The following P2RX5 variants were observed in gnomAD, a reference collection of about 807,000 sequenced individuals.
P2RX5 encodes purinergic receptor P2X 5.
A neutral mutation model predicts 54.1 loss-of-function variants in P2RX5; 46 were observed. That is an observed-to-expected ratio of 0.85 (90% confidence interval 0.67 to 1.09). The LOEUF is 1.09. Among genes scored for constraint, P2RX5 ranks in the 50% least tolerant of loss-of-function variants. The pLI is 0.00. For missense variants in P2RX5, 566 were observed against 549.8 expected (o/e 1.03, Z -0.29); for synonymous variants, 226 against 226.4 (o/e 1.00, Z 0.02).
At chr17:3,703,037 A>C in the P2RX5 span, among the ~76,000 whole-genome samples, 553 of 152,188 alleles carry the variant, frequency 3.6e-3, 6 homozygotes, top group African/African-American at 0.013. Flanking sequence ...CCTCCAAAGA[A>C]ATGTGCTGGG....
the P2RX5 span, among the ~76,000 whole-genome samples, chr17:3,719,503 G>T: frequency 6.6e-6 from 1 of 151,944 alleles, no homozygotes; most frequent in African/African-American, 2.4e-5. Flanking sequence ...TGAAAACACA[G>T]GGTAACACAC....
intron 9 of P2RX5, among the ~76,000 whole-genome samples, chr17:3,683,575 C>T (rs544227733): frequency 6.6e-5 from 10 of 152,178 alleles, no homozygotes; most frequent in East Asian, 3.9e-4. Context: ...TACAAAAATA[C>T]GAAAATTAAC....
chr17:3,716,846 G>T, the P2RX5 span: 2 of 1,026,014 alleles, frequency 1.9e-6, no homozygotes, highest in Non-Finnish European at 1.5e-6. Flanking sequence ...AAGCAAACAA[G>T]GAAAAAATCC....
At chr17:3,696,713 T>G (rs1489858396), upstream of P2RX5, among the ~76,000 whole-genome samples, 1 of 152,204 alleles carries the variant, frequency 6.6e-6, no homozygotes, top group African/African-American at 2.4e-5. Flanking sequence ...GTGCTGGGAT[T>G]ACAGGCGTGA....
chr17:3,689,962 G>T, intron 6 of P2RX5, 108 bp downstream of exon 6: 1 of 993,392 alleles, frequency 1.0e-6, no homozygotes, highest in Non-Finnish European at 1.6e-6. Context: ...GCACACACGT[G>T]CACACACGCG....
rs1171110842 is a variant in P2RX5 at position 3,673,638 on chromosome 17, C to T, written c.*230G>A. On this transcript the variant is annotated 3_prime_UTR_variant, in exon 12 of 12. Coordinates refer to ENST00000225328, the MANE Select transcript of P2RX5 (RefSeq NM_002561.4). Reference sequence around the variant, plus strand: ...CAGCCACGGAGAAAGGAAGAACTGACGGCAGGGGGTGGGGCAAAAAGACAG... The same window carrying T: ...CAGCCACGGAGAAAGGAAGAACTGATGGCAGGGGGTGGGGCAAAAAGACAG... 4 of 1,432,852 alleles carry T rather than the reference C, an allele frequency of 2.8e-6. No individual in the cohort carries two copies. Among genetic ancestry groups the T allele is most frequent in the Non-Finnish European group, 3.7e-6 (4 of 1,095,188 alleles). The allele number at this position is 1,432,852 out of a possible 1,614,324, so 88.8% of individuals were successfully genotyped here.
intron 9 of P2RX5, among the ~76,000 whole-genome samples, chr17:3,684,948 C>T (rs371414829): frequency 1.0e-4 from 15 of 144,040 alleles, no homozygotes; most frequent in Admixed American, 5.3e-4. Context: ...CGGGTTCAAG[C>T]GATTCTCCTG....
At chr17:3,703,078 G>A in the P2RX5 span, among the ~76,000 whole-genome samples, 5 of 152,058 alleles carry the variant, frequency 3.3e-5, no homozygotes, top group African/African-American at 1.2e-4. Context: ...AGACTCTCCT[G>A]CCTCTGATCC....
intron 11 of P2RX5, chr17:3,677,323 G>A (rs1257568710): frequency 1.0e-6 from 1 of 984,596 alleles, no homozygotes. Flanking sequence ...CATCTGGGCA[G>A]GTCCATATTC....
chr17:3,695,801 G>A (rs2050742265), intron 1 of P2RX5, 68 bp downstream of exon 1: 1 of 1,587,430 alleles, frequency 6.3e-7, no homozygotes, highest in Non-Finnish European at 8.6e-7. Context: ...GGACCCTGGA[G>A]AAGGACGCGG....
chr17:3,719,252 A>AAAAGAAAAG, the P2RX5 span, among the ~76,000 whole-genome samples: 1 of 130,306 alleles, frequency 7.7e-6, no homozygotes, highest in Non-Finnish European at 1.6e-5. Context: ...AAAAAAAAAA[A>AAAAGAAAAG]AAAAGAAAAG....
chr17:3,701,719 AG>A, the P2RX5 span, among the ~76,000 whole-genome samples: 81 of 141,776 alleles, frequency 5.7e-4, no homozygotes, highest in Middle Eastern at 3.6e-3. Context: ...AAAAAAAAAA[AG>A]GAACTTCTAA....
the P2RX5 span, chr17:3,717,616 C>T: frequency 1.3e-5 from 2 of 152,212 alleles, no homozygotes; most frequent in Admixed American, 6.5e-5. Flanking sequence ...CCCAGAGCAA[C>T]CCTTCACGTG....
upstream of P2RX5, among the ~76,000 whole-genome samples, chr17:3,700,876 C>T (rs1213793570): frequency 1.3e-5 from 2 of 152,220 alleles, no homozygotes; most frequent in Admixed American, 6.5e-5. Context: ...CCTCTGTCTT[C>T]CACCATGATT....
chr17:3,714,719 TA>T, the P2RX5 span: 2 of 578,120 alleles, frequency 3.5e-6, no homozygotes, highest in South Asian at 4.6e-5. Context: ...AATGTATGGT[TA>T]AAAACTAATA....
chr17:3,687,954 G>A (rs2050492557), intron 9 of P2RX5, 58 bp downstream of exon 9: 1 of 333,556 alleles, frequency 3.0e-6, no homozygotes, highest in South Asian at 1.8e-5. Flanking sequence ...CCCTCCCAAC[G>A]TCCCCCTCCC....
intron 2 of P2RX5, among the ~76,000 whole-genome samples, chr17:3,691,347 G>T (rs2050611426): frequency 6.6e-6 from 1 of 152,226 alleles, no homozygotes; most frequent in South Asian, 2.1e-4. Flanking sequence ...TTAGAAGGGG[G>T]GTTCTCTGTG....
the P2RX5 span, among the ~76,000 whole-genome samples, chr17:3,716,271 AC>A: frequency 8.0e-6 from 1 of 124,670 alleles, no homozygotes; most frequent in East Asian, 2.2e-4. Flanking sequence ...GCACATTAAG[AC>A]AGGGGAAGGC....
In P2RX5 at chr17:3,689,873, A is replaced by AAC. The variant is rs768335846; in HGVS notation, c.614+195_614+196dup. Among the ~76,000 whole-genome samples the AAC allele has an allele frequency of 7.3e-5, 11 of 151,104 alleles. No individual in the cohort carries two copies. In the East Asian group the frequency reaches 1.9e-3, roughly 27 times the overall value. On this transcript the variant is annotated intron_variant, in intron 6 of 11. Transcript: ENST00000225328. Reference sequence around the variant, plus strand: ...ACGCGTGCACGCACGCACACACGCGAACACACGCACACACACAAACGCACG... The same window carrying AAC: ...ACGCGTGCACGCACGCACACACGCGAACACACACGCACACACACAAACGCACG...
Sources: gnomAD v4.1 joint callset for allele counts (sites outside exome capture counted in the v4.1 genomes callset) on GRCh38, gnomAD v4.1.1 for gene constraint, MANE v1.5 for transcripts, NCBI Gene and HGNC (gene_info 2026-07-23, HGNC 2026-07-21) for gene names.